The following VWC2L variants were observed in gnomAD, a reference collection of about 807,000 sequenced individuals.
VWC2L encodes the protein von Willebrand factor C domain-containing protein 2-like.
A neutral mutation model predicts 21.6 loss-of-function variants in VWC2L; 10 were observed. The observed-to-expected ratio is 0.46, with a 90% CI of 0.29 to 0.78. VWC2L has a LOEUF of 0.78. Among genes scored for constraint, VWC2L ranks in the 30% least tolerant of loss-of-function variants. VWC2L has a pLI of 0.10. For synonymous variants in VWC2L, 96 were observed against 94.3 expected, an observed-to-expected ratio of 1.02 and a Z score of -0.10; for missense variants, 209 against 277.1, an observed-to-expected ratio of 0.75 and a Z score of 1.74.
At chr2:214,492,515 G>C (rs2126201732) in intron 3 of VWC2L, among the ~76,000 whole-genome samples, 1 of 152,300 alleles carries the variant, frequency 6.6e-6, no homozygotes, top group Admixed American at 6.5e-5. Context: ...GTGAGACACA[G>C]AATAATCAGA....
At chr2:214,564,438 C>G (rs1690030354) in intron 3 of VWC2L, among the ~76,000 whole-genome samples, 1 of 151,512 alleles carries the variant, frequency 6.6e-6, no homozygotes, top group Non-Finnish European at 1.5e-5. Flanking sequence ...GCAACAGTAA[C>G]CAAAACAGCA....
chr2:214,434,269 C>G (rs938455474), intron 2 of VWC2L, among the ~76,000 whole-genome samples: 2 of 152,126 alleles, frequency 1.3e-5, no homozygotes, highest in Non-Finnish European at 2.9e-5. Flanking sequence ...TATCTGTTAA[C>G]ACTTCTCCCA....
chr2:214,538,077 A>C (rs1689564591), intron 3 of VWC2L, among the ~76,000 whole-genome samples: 1 of 152,086 alleles, frequency 6.6e-6, no homozygotes, highest in Non-Finnish European at 1.5e-5. Context: ...AGATGGGATG[A>C]TTATGCTTGG....
At chr2:214,478,468 C>CAAA (rs778016834) in intron 3 of VWC2L, among the ~76,000 whole-genome samples, 1 of 115,992 alleles carries the variant, frequency 8.6e-6, no homozygotes, top group Non-Finnish European at 1.8e-5. Flanking sequence ...AACTCCATCT[C>CAAA]AAAAAAAAAA....
chr2:214,529,690 C>T (rs767606091), intron 3 of VWC2L, among the ~76,000 whole-genome samples: 1 of 152,138 alleles, frequency 6.6e-6, no homozygotes, highest in Non-Finnish European at 1.5e-5. Flanking sequence ...TTCTACAAAT[C>T]GGGTTCACAG....
At chr2:214,491,255 A>G (rs183481724) in intron 3 of VWC2L, among the ~76,000 whole-genome samples, 13 of 152,322 alleles carry the variant, frequency 8.5e-5, no homozygotes, top group South Asian at 2.1e-4. Context: ...TTAATTTTCA[A>G]TGGGAGAGTC....
intron 3 of VWC2L, among the ~76,000 whole-genome samples, chr2:214,478,033 C>G (rs554301891): frequency 6.6e-6 from 1 of 152,278 alleles, no homozygotes; most frequent in East Asian, 1.9e-4. Context: ...CTTTAAGTCA[C>G]AAACATAGTC....
At chr2:214,536,317 A>T (rs1005748806) in intron 3 of VWC2L, among the ~76,000 whole-genome samples, 1 of 152,124 alleles carries the variant, frequency 6.6e-6, no homozygotes, top group African/African-American at 2.4e-5. Flanking sequence ...TTTTCACATG[A>T]GAAAAAACTT....
intron 3 of VWC2L, among the ~76,000 whole-genome samples, chr2:214,474,748 TGTTC>T (rs1374476443): frequency 3.3e-5 from 5 of 152,146 alleles, no homozygotes; most frequent in Admixed American, 6.5e-5. Flanking sequence ...GAAAACAACA[TGTTC>T]CTAATAAATT....
intron 3 of VWC2L, among the ~76,000 whole-genome samples, chr2:214,571,698 T>C (rs945599105): frequency 6.6e-6 from 1 of 152,218 alleles, no homozygotes; most frequent in East Asian, 1.9e-4. Context: ...AAACCATACC[T>C]GACAGATAAG....
Position 214,542,991 on chromosome 2 carries a change from T to C in VWC2L, c.521-32681T>C, listed in dbSNP as rs150149435. On this transcript the variant is annotated intron_variant, in intron 3 of 3. Coordinates refer to ENST00000312504, the MANE Select transcript of VWC2L (RefSeq NM_001080500.4). ...CAACAACTATGAGAACAGTTTCTGA[T>C]AGTTCTCATGAAAAAATCTTAATCC... is the stretch of plus-strand genomic sequence containing the variant. Among the ~76,000 whole-genome samples, 286 of 152,312 alleles carry C rather than the reference T, an allele frequency of 1.9e-3. 1 individual carries two copies. The highest frequency in any genetic ancestry group is 6.5e-3 in the African/African-American group (270 of 41,582).
intron 3 of VWC2L, among the ~76,000 whole-genome samples, chr2:214,527,976 A>G (rs1689371074): frequency 6.6e-6 from 1 of 152,218 alleles, no homozygotes; most frequent in South Asian, 2.1e-4. Context: ...ACAATAAATT[A>G]CAAGGTATAT....
intron 3 of VWC2L, among the ~76,000 whole-genome samples, chr2:214,553,055 C>T (rs538335382): frequency 3.9e-5 from 6 of 152,198 alleles, no homozygotes; most frequent in Non-Finnish European, 8.8e-5. Flanking sequence ...CTACTCCTTT[C>T]AGTGTCTCCC....
At chr2:214,565,489 G>A (rs188313760) in intron 3 of VWC2L, among the ~76,000 whole-genome samples, 2 of 152,248 alleles carry the variant, frequency 1.3e-5, no homozygotes, top group African/African-American at 4.8e-5. Context: ...CTAATGATGT[G>A]CTGTCTATTC....
intron 3 of VWC2L, among the ~76,000 whole-genome samples, chr2:214,446,941 A>T (rs1702846945): frequency 6.6e-6 from 1 of 152,158 alleles, no homozygotes; most frequent in African/African-American, 2.4e-5. Context: ...CATACTGCTG[A>T]GTGTATCCCT....
rs970615679 is a variant in VWC2L, at chr2:214,556,968, T to C, written c.521-18704T>C. 2.6e-4 allele frequency among the ~76,000 whole-genome samples: 40 copies of C among 152,200 alleles called. 1 individual carries two copies. The highest frequency in any genetic ancestry group is 1.3e-4 in the Non-Finnish European group (9 of 68,034). ...TGGTGTGCATTGACTCTTTAGTAAT[T>C]ACAGCAACCCTACAGGGGCAGGGAG... On this transcript the variant is annotated intron_variant, in intron 3 of 3. Coordinates refer to ENST00000312504, the MANE Select transcript of VWC2L (RefSeq NM_001080500.4).
In VWC2L at chr2:214,436,646, G is replaced by A. The variant is rs1430222781; in HGVS notation, c.408G>A (p.Trp136Ter). ...GTTCCTAGCCCTCTCCATGTGAATG[G>A]TGTCGCTGTGAGCCCAGCAATGAAG... ...LEEFKPSPCE[W>*]CRCEPSNEVH... Residue 136 changes from tryptophan to a stop codon, truncating the protein, a stop_gained, in exon 3 of 4, where the codon TGG (tryptophan) becomes TGA (stop). Transcript: ENST00000312504. LOFTEE classifies it high-confidence loss of function. 1.2e-6 allele frequency: 2 copies of A among 1,613,304 alleles called. No homozygotes were observed. The highest frequency in any genetic ancestry group is 1.7e-6 in the Non-Finnish European group (2 of 1,179,386).
At chr2:214,456,966 GTTA>G (rs920259436) in intron 3 of VWC2L, among the ~76,000 whole-genome samples, 1 of 151,980 alleles carries the variant, frequency 6.6e-6, no homozygotes, top group Admixed American at 6.6e-5. Context: ...TGATGTTTTG[GTTA>G]TTATAACTTT....
chr2:214,566,416 A>G (rs998157579), intron 3 of VWC2L, among the ~76,000 whole-genome samples: 10 of 152,110 alleles, frequency 6.6e-5, no homozygotes, highest in African/African-American at 2.2e-4. Flanking sequence ...CCAGGCTATA[A>G]ATCTTACATA....
Sources: allele counts gnomAD v4.1 joint callset (sites outside exome capture counted in the v4.1 genomes callset), GRCh38; gene constraint gnomAD v4.1.1; transcripts MANE v1.5; gene names NCBI Gene and HGNC (gene_info 2026-07-23, HGNC 2026-07-21).